TG: variants seen among roughly 807,000 people sequenced by gnomAD.
TG encodes the protein thyroglobulin, also known as thyroid hormones.
In TG, 270 loss-of-function variants were observed where a neutral mutation model predicts 324.7. That is an observed-to-expected ratio of 0.83 (90% CI 0.75 to 0.92). The LOEUF is 0.92. TG is among the 40% of genes least tolerant of loss of function. The pLI is 0.00. For missense variants in TG, 3,591 were observed against 3,456.4 expected (o/e 1.04, Z -0.98); for synonymous variants, 1,401 against 1,327.0 (o/e 1.06, Z -1.21).
intron 35 of TG, among the ~76,000 whole-genome samples, chr8:132,993,682 T>A (rs1212271216): frequency 6.6e-6 from 1 of 152,216 alleles, no homozygotes; most frequent in Non-Finnish European, 1.5e-5. Context: ...GCTGAATGGT[T>A]ATGTCTTAAA....
At chr8:132,953,393 G>T (rs569435661) in intron 27 of TG, among the ~76,000 whole-genome samples, 1 of 152,312 alleles carries the variant, frequency 6.6e-6, no homozygotes, top group South Asian at 2.1e-4. Context: ...TTCTTAAGGA[G>T]CTCACAGGCT....
At position 132,935,767 on chromosome 8, in the gene TG, A is replaced by G. The variant is rs768465869; in HGVS notation, c.4944A>G (p.Ala1648=). The part of the protein sequence containing the change: ...ACMTSDQKRD[A]LGNSKATSFG... ...CTTTCCATCTCCAGAAACGAGATGCACTGGGGAACTCAAAGGCCACCAGCT... is the reference window on the plus strand; with the variant it reads ...CTTTCCATCTCCAGAAACGAGATGCGCTGGGGAACTCAAAGGCCACCAGCT... The change falls in exon 25 of 48, where the codon GCA becomes GCG. Residue 1648 remains alanine, a synonymous_variant. Transcript: ENST00000220616. 5 of 1,612,634 alleles carry G rather than the reference A, an allele frequency of 3.1e-6. No homozygotes were observed. The highest frequency in any genetic ancestry group is 2.0e-4 in the Middle Eastern group (1 of 5,090).
intron 41 of TG, among the ~76,000 whole-genome samples, chr8:133,092,383 G>C (rs1310296506): frequency 6.6e-6 from 1 of 152,220 alleles, no homozygotes; most frequent in Middle Eastern, 3.2e-3. Context: ...ACAGCCAGTG[G>C]AAACTCCTCG....
intron 14 of TG, 53 bp from the exon 15 acceptor site, chr8:132,900,184 G>A: frequency 6.6e-7 from 1 of 1,523,582 alleles, no homozygotes; most frequent in Non-Finnish European, 9.1e-7. Flanking sequence ...CAGCAGGTTG[G>A]CCACTAGAGC....
rs74405134 is a variant in TG at position 133,131,257 on chromosome 8, C to A, written c.7863-555C>A. Among the ~76,000 whole-genome samples the A allele has an allele frequency of 2.5e-3, 388 of 152,342 alleles. 3 individuals are homozygous for A. The highest frequency in any genetic ancestry group is 8.8e-3 in the African/African-American group (364 of 41,570). ...ACTGGCTTCCAAGTCATTATTCCCA[C>A]CAGGATGCTGCTTCCTAGATATTTA... On this transcript the variant is annotated intron_variant, in intron 45 of 47. Transcript: ENST00000220616.
chr8:132,871,197 T>C (rs1486026844), intron 3 of TG, 151 bp from the exon 4 acceptor site: 6 of 779,418 alleles, frequency 7.7e-6, no homozygotes, highest in Non-Finnish European at 1.3e-5. Flanking sequence ...CTAGGCCTGT[T>C]CTGTGGCTGC....
intron 27 of TG, among the ~76,000 whole-genome samples, chr8:132,951,268 T>C (rs1344479312): frequency 6.6e-6 from 1 of 152,250 alleles, no homozygotes; most frequent in Admixed American, 6.5e-5. Flanking sequence ...AAGATATATA[T>C]ATCTGTGAGT....
intron 41 of TG, among the ~76,000 whole-genome samples, chr8:133,055,883 T>G (rs1841357931): frequency 6.6e-6 from 1 of 151,602 alleles, no homozygotes. Flanking sequence ...GGCGCACAGC[T>G]CTGGGGGGAA....
intron 45 of TG, among the ~76,000 whole-genome samples, chr8:133,125,353 A>C (rs923360043): frequency 2.6e-5 from 4 of 152,216 alleles, no homozygotes; most frequent in African/African-American, 9.6e-5. Flanking sequence ...ACCTTGTGTA[A>C]AGGTGACATT....
At chr8:132,958,180 C>G (rs575647646) in intron 27 of TG, among the ~76,000 whole-genome samples, 1 of 152,276 alleles carries the variant, frequency 6.6e-6, no homozygotes, top group Non-Finnish European at 1.5e-5. Context: ...ATACAATACT[C>G]TAGAGATAAA....
At chr8:132,928,557 T>C (rs1288196920) in intron 22 of TG, among the ~76,000 whole-genome samples, 2 of 152,234 alleles carry the variant, frequency 1.3e-5, no homozygotes, top group Non-Finnish European at 2.9e-5. Context: ...AGTGTGTTGA[T>C]GGTAGCTAGG....
At chr8:132,981,291 G>T (rs1830815780) in intron 34 of TG, among the ~76,000 whole-genome samples, 1 of 152,228 alleles carries the variant, frequency 6.6e-6, no homozygotes. Context: ...CAGCATTTAT[G>T]TAGTTGCCAG....
At chr8:132,989,413 C>T (rs964712396) in intron 35 of TG, among the ~76,000 whole-genome samples, 1 of 152,204 alleles carries the variant, frequency 6.6e-6, no homozygotes, top group Non-Finnish European at 1.5e-5. Context: ...TGACTTTGAG[C>T]CCTTTTGAGC....
chr8:133,002,455 A>G, intron 35 of TG: 1 of 964,052 alleles, frequency 1.0e-6, no homozygotes, highest in African/African-American at 1.8e-5. Flanking sequence ...GAAATACATT[A>G]AATCTGAATA....
At chr8:132,883,439 GT>G (rs1814948594) in intron 8 of TG, among the ~76,000 whole-genome samples, 1 of 152,080 alleles carries the variant, frequency 6.6e-6, no homozygotes, top group African/African-American at 2.4e-5. Flanking sequence ...AAGGAAAGGT[GT>G]TCTCTATATA....
At chr8:132,983,491 G>T in intron 35 of TG, 79 bp downstream of exon 35, 2 of 1,410,302 alleles carry the variant, frequency 1.4e-6, no homozygotes. Flanking sequence ...CCTTGCTTTT[G>T]TACAGAAGTT....
chr8:133,111,919 G>A (rs1394054684), intron 43 of TG, among the ~76,000 whole-genome samples: 1 of 152,212 alleles, frequency 6.6e-6, no homozygotes, highest in South Asian at 2.1e-4. Context: ...GGATCAGTTA[G>A]TCCACAGGGT....
At chr8:133,029,133 T>A (rs1183286892) in intron 40 of TG, among the ~76,000 whole-genome samples, 1 of 152,120 alleles carries the variant, frequency 6.6e-6, no homozygotes, top group Admixed American at 6.5e-5. Flanking sequence ...AAGGATCTAC[T>A]GAATTCACAA....
chr8:133,119,947 G>T (rs114601194), intron 45 of TG, among the ~76,000 whole-genome samples: 2,658 of 152,350 alleles, frequency 0.017, 69 homozygotes, highest in African/African-American at 0.059. Context: ...TGGGAAGGAG[G>T]CATTGAGGGA....
Sources: gnomAD v4.1 joint callset for allele counts (sites outside exome capture counted in the v4.1 genomes callset) on GRCh38, gnomAD v4.1.1 for gene constraint, MANE v1.5 for transcripts, NCBI Gene and HGNC (gene_info 2026-07-23, HGNC 2026-07-21) for gene names.